The following TNRC6C variants were observed in gnomAD, a reference collection of about 807,000 sequenced individuals.
TNRC6C encodes the protein trinucleotide repeat containing adaptor 6C.
TNRC6C carries 20 observed loss-of-function variants against 153.7 expected under a neutral mutation model. That is an observed-to-expected ratio of 0.13 (90% CI 0.09 to 0.19). TNRC6C has a LOEUF of 0.19. Ranked by LOEUF, TNRC6C falls within the 10% of genes least tolerant of loss-of-function variation. The probability of loss-of-function intolerance (pLI) is 1.00; values close to 1 mark genes in which losing one functional copy is unlikely to be tolerated. For synonymous variants in TNRC6C, 811 were observed against 841.4 expected, an observed-to-expected ratio of 0.96 and a Z score of 0.63; for missense variants, 1,987 against 2,172.0, an observed-to-expected ratio of 0.91 and a Z score of 1.69.
At chr17:77,973,696 A>G (rs1040103935) in intron 1 of TNRC6C, among the ~76,000 whole-genome samples, 1 of 152,224 alleles carries the variant, frequency 6.6e-6, no homozygotes, top group African/African-American at 2.4e-5. Flanking sequence ...TGATGCTGGC[A>G]GTAAACAATC....
chr17:78,002,259 C>A (rs533367318), upstream of TNRC6C, among the ~76,000 whole-genome samples: 1 of 152,092 alleles, frequency 6.6e-6, no homozygotes, highest in African/African-American at 2.4e-5. Flanking sequence ...AGATTATATA[C>A]CAGAAATTGG....
chr17:78,030,633 A>G (rs1410062148), intron 1 of TNRC6C, among the ~76,000 whole-genome samples: 1 of 152,250 alleles, frequency 6.6e-6, no homozygotes, highest in Non-Finnish European at 1.5e-5. Flanking sequence ...CAGATAACCC[A>G]GAATGCACCA....
intron 10 of TNRC6C, among the ~76,000 whole-genome samples, chr17:78,080,451 AAAAG>A (rs1480859432): frequency 1.3e-5 from 2 of 152,246 alleles, no homozygotes; most frequent in Non-Finnish European, 2.9e-5. Flanking sequence ...CCTTCTGAAA[AAAAG>A]AAAGAAAGGA....
At chr17:78,024,937 G>T (rs1598703133) in intron 1 of TNRC6C, among the ~76,000 whole-genome samples, 1 of 151,596 alleles carries the variant, frequency 6.6e-6, no homozygotes, top group South Asian at 2.1e-4. Context: ...GGGATTACAG[G>T]TGTGCGCCAT....
intron 2 of TNRC6C, among the ~76,000 whole-genome samples, chr17:78,039,258 T>C (rs1221161753): frequency 2.0e-5 from 3 of 151,826 alleles, no homozygotes; most frequent in African/African-American, 7.3e-5. Context: ...TGAGAACCAG[T>C]TGAACTTTTG....
chr17:77,976,898 C>T (rs151307455), intron 1 of TNRC6C, among the ~76,000 whole-genome samples: 122 of 126,646 alleles, frequency 9.6e-4, no homozygotes, highest in African/African-American at 3.6e-3. Context: ...CATTGCACTC[C>T]AGCTCAGGCG....
chr17:78,082,842 A>G (rs1567957595), intron 10 of TNRC6C, among the ~76,000 whole-genome samples: 1 of 152,166 alleles, frequency 6.6e-6, no homozygotes, highest in Non-Finnish European at 1.5e-5. Flanking sequence ...TGGCAGCCCA[A>G]CCTTGCATTG....
chr17:78,053,177 G>C (rs558728031), intron 3 of TNRC6C, among the ~76,000 whole-genome samples: 6 of 152,224 alleles, frequency 3.9e-5, no homozygotes, highest in Admixed American at 3.9e-4. Flanking sequence ...CTGTTCTTAC[G>C]CTGGGCCTGT....
At chr17:78,013,066 G>A (rs751921499) in intron 1 of TNRC6C, among the ~76,000 whole-genome samples, 6 of 152,024 alleles carry the variant, frequency 3.9e-5, no homozygotes, top group African/African-American at 1.2e-4. Flanking sequence ...TCTTAAACCC[G>A]TCCATCAGGT....
chr17:77,964,867 G>A (rs886913668), intron 1 of TNRC6C, among the ~76,000 whole-genome samples: 1 of 151,950 alleles, frequency 6.6e-6, no homozygotes, highest in African/African-American at 2.4e-5. Context: ...TTCTTCAGGG[G>A]GCTATGGCTG....
At chr17:78,096,009 C>T (rs1464040586) in intron 16 of TNRC6C, among the ~76,000 whole-genome samples, 1 of 152,170 alleles carries the variant, frequency 6.6e-6, no homozygotes, top group Non-Finnish European at 1.5e-5. Context: ...TGTGATTGGG[C>T]CACTGCACTC....
At chr17:77,960,165 C>T (rs2070850105) in intron 1 of TNRC6C, among the ~76,000 whole-genome samples, 1 of 152,166 alleles carries the variant, frequency 6.6e-6, no homozygotes, top group Admixed American at 6.5e-5. Flanking sequence ...TGTCTCAAAC[C>T]TTTGCCTCCG....
chr17:78,000,626 C>A (rs1252265832), upstream of TNRC6C, among the ~76,000 whole-genome samples: 1 of 65,114 alleles, frequency 1.5e-5, no homozygotes, highest in East Asian at 5.2e-4. Context: ...CCGCCCCCCC[C>A]CCCCCACACA....
At chr17:78,013,395 A>G (rs2071670282) in intron 1 of TNRC6C, among the ~76,000 whole-genome samples, 1 of 152,214 alleles carries the variant, frequency 6.6e-6, no homozygotes, top group Non-Finnish European at 1.5e-5. Context: ...CTTACTAGCT[A>G]AGTGGCGGGG....
intron 1 of TNRC6C, among the ~76,000 whole-genome samples, chr17:78,007,778 A>G (rs1449145908): frequency 2.0e-5 from 3 of 152,244 alleles, no homozygotes; most frequent in Non-Finnish European, 4.4e-5. Context: ...ATCAATCAAC[A>G]TTGTAGAAGT....
In TNRC6C at chr17:78,104,837, T is replaced by A; in HGVS notation, c.5065T>A (p.Ser1689Thr). The A allele has an allele frequency of 1.4e-6, 2 of 1,434,344 alleles. No individual in the cohort carries two copies. The highest frequency in any genetic ancestry group is 1.5e-5 in the African/African-American group (1 of 67,388). The allele number at this position is 1,434,344 out of a possible 1,614,324, so 88.9% of individuals were successfully genotyped here. A position where few individuals can be genotyped will look rare whatever the true frequency, so the allele number is the denominator to read the frequency against. Residue 1689 changes from serine to threonine, a missense_variant, in exon 20 of 20, where the codon TCC becomes ACC. Coordinates refer to ENST00000301624, the Ensembl canonical transcript of TNRC6C. This position sits in a 1 kb window ranked among gnomAD's most constrained non-coding sequence, Gnocchi z 6.2. ...GCCTGGGGACCTGCTCAGCGGGGAG[T>A]CCCTGTAGGCTCTGCCATCATCAGC...
At chr17:77,975,888 G>T (rs892706175) in intron 1 of TNRC6C, among the ~76,000 whole-genome samples, 1 of 152,104 alleles carries the variant, frequency 6.6e-6, no homozygotes, top group Non-Finnish European at 1.5e-5. Context: ...AAAAATGTAG[G>T]TCGTCTTTAT....
chr17:78,098,573 T>G (rs369674224), intron 17 of TNRC6C, 36 bp downstream of exon 20: 2 of 1,589,842 alleles, frequency 1.3e-6, no homozygotes, highest in African/African-American at 2.7e-5. Flanking sequence ...GATGGGGGCC[T>G]TACCCTTTAG....
intron 3 of TNRC6C, among the ~76,000 whole-genome samples, chr17:78,056,621 G>A (rs1469570388): frequency 1.3e-5 from 2 of 151,764 alleles, no homozygotes; most frequent in Non-Finnish European, 2.9e-5. Flanking sequence ...CCGCCACCAC[G>A]CTCGGCTAAT....
Sources: gnomAD v4.1 joint callset for allele counts (sites outside exome capture counted in the v4.1 genomes callset) on GRCh38, gnomAD v4.1.1 for gene constraint, Gnocchi (gnomAD v3.1) non-coding constraint, MANE v1.5 for transcripts, NCBI Gene and HGNC (gene_info 2026-07-23, HGNC 2026-07-21) for gene names.